The following JCAD variants were observed in gnomAD, a reference collection of about 807,000 sequenced individuals.
The protein encoded by JCAD is junctional cadherin 5-associated protein.
In JCAD, 40 loss-of-function variants were observed where a neutral mutation model predicts 98.0. The ratio of observed to expected loss-of-function variants is 0.41; its 90% confidence interval spans 0.32 to 0.53. The LOEUF is 0.53. Ranked by LOEUF, JCAD falls within the 20% of genes least tolerant of loss-of-function variation. The pLI is 0.31. For missense variants in JCAD, 1,705 were observed against 1,738.1 expected (o/e 0.98, Z 0.34); for synonymous variants, 691 against 682.3 (o/e 1.01, Z -0.20).
chr10:30,056,489 C>T (rs11007875), intron 1 of JCAD, among the ~76,000 whole-genome samples: 7,252 of 151,946 alleles, frequency 0.048, 447 homozygotes, highest in African/African-American at 0.14. Context: ...GTTTCTCTAA[C>T]TATTCTTCCT....
intron 1 of JCAD, among the ~76,000 whole-genome samples, chr10:30,110,192 T>TGATGTATGGACCC (rs1564476286): frequency 6.8e-6 from 1 of 146,328 alleles, no homozygotes; most frequent in African/African-American, 2.7e-5. Flanking sequence ...TGTATGGACC[T>TGATGTATGGACCC]GCTGATGTAT....
upstream of JCAD, among the ~76,000 whole-genome samples, chr10:30,064,128 T>A (rs1041315202): frequency 2.0e-5 from 3 of 152,120 alleles, no homozygotes; most frequent in Non-Finnish European, 1.5e-5. Flanking sequence ...CTTTAAGAGA[T>A]CATTGGATCC....
chr10:30,103,613 T>TAC (rs5784175), intron 1 of JCAD, among the ~76,000 whole-genome samples: 143 of 97,582 alleles, frequency 1.5e-3, no homozygotes, highest in Non-Finnish European at 2.9e-3. Context: ...TATGTATAAA[T>TAC]ACACACACAC....
chr10:30,050,753 C>A (rs949159981), intron 1 of JCAD, among the ~76,000 whole-genome samples: 10 of 152,156 alleles, frequency 6.6e-5, no homozygotes, highest in Non-Finnish European at 1.3e-4. Context: ...TTAACTGATT[C>A]TTCCCTCCCC....
intron 3 of JCAD, among the ~76,000 whole-genome samples, chr10:30,019,357 C>CAAAAAAAAAAAAAA (rs58164754): frequency 4.0e-5 from 4 of 100,294 alleles, no homozygotes; most frequent in Admixed American, 1.1e-4. Flanking sequence ...AACTCTGTCT[C>CAAAAAAAAAAAAAA]AAAAAAAAAA....
chr10:30,092,126 A>ATATATATATATATATATATAT (rs1491284119), intron 1 of JCAD, among the ~76,000 whole-genome samples: 11 of 107,094 alleles, frequency 1.0e-4, no homozygotes, highest in Non-Finnish European at 1.4e-4. Context: ...ATATATATAT[A>ATATATATATATATATATATAT]AAAAACATTT....
At position 30,068,390 on chromosome 10, in the gene JCAD, C is replaced by CAAAAAA. The variant is rs34060997; in HGVS notation, n.250+1304_250+1309dup. Among the ~76,000 whole-genome samples, 454 of 48,172 alleles carry CAAAAAA rather than the reference C, an allele frequency of 9.4e-3. 24 individuals are homozygous for CAAAAAA. Among genetic ancestry groups the CAAAAAA allele is most frequent in the African/African-American group, 0.036 (439 of 12,260 alleles). The allele number at this position is 48,172 out of a possible 152,430, so 31.6% of individuals were successfully genotyped here. ...TGGGTGAAAGAGCAAAACTCTGTCT[C>CAAAAAA]AAAAAAAAAAAAAAAAAAAAAAAAA... On this transcript the variant is annotated intron_variant and non_coding_transcript_variant, in intron 2 of 2. Coordinates refer to the JCAD transcript ENST00000465712.
chr10:30,058,121 T>TC (rs982363612), intron 1 of JCAD, among the ~76,000 whole-genome samples: 2 of 152,098 alleles, frequency 1.3e-5, no homozygotes, highest in Non-Finnish European at 2.9e-5. Context: ...TCAGGCCCCT[T>TC]CCCCCAAATC....
intron 3 of JCAD, among the ~76,000 whole-genome samples, chr10:30,022,850 G>C (rs1836692999): frequency 1.3e-5 from 2 of 152,168 alleles, no homozygotes; most frequent in African/African-American, 4.8e-5. Context: ...TGTAGCCTAA[G>C]TGTACAGGGT....
intron 1 of JCAD, among the ~76,000 whole-genome samples, chr10:30,051,309 A>ACACAC (rs1205792252): frequency 9.9e-6 from 1 of 101,346 alleles, no homozygotes; most frequent in Non-Finnish European, 2.3e-5. Context: ...CACACACACA[A>ACACAC]GAGTTGATGC....
chr10:30,043,586 TC>T (rs11353605), intron 2 of JCAD, among the ~76,000 whole-genome samples: 42,166 of 151,998 alleles, frequency 0.28, 6,646 homozygotes, highest in Non-Finnish European at 0.36. Context: ...TATAGGCCTC[TC>T]CCAGACAGGA....
chr10:30,079,734 A>G (rs1292104257), intron 1 of JCAD, among the ~76,000 whole-genome samples: 1 of 152,200 alleles, frequency 6.6e-6, no homozygotes, highest in African/African-American at 2.4e-5. Context: ...GTGTATCACA[A>G]CTATAATTCA....
At chr10:30,033,274 C>T (rs1837039611) in intron 2 of JCAD, among the ~76,000 whole-genome samples, 1 of 152,350 alleles carries the variant, frequency 6.6e-6, no homozygotes, top group South Asian at 2.1e-4. Context: ...TTCCCTCACA[C>T]ACACAGGATT....
At chr10:30,022,261 G>A (rs975957273) in intron 3 of JCAD, among the ~76,000 whole-genome samples, 2 of 151,894 alleles carry the variant, frequency 1.3e-5, no homozygotes, top group African/African-American at 4.8e-5. Context: ...TGTGTGTAGG[G>A]TGGGGTGGTG....
chr10:30,092,707 T>A (rs1461083817), intron 1 of JCAD, among the ~76,000 whole-genome samples: 1 of 152,140 alleles, frequency 6.6e-6, no homozygotes, highest in Non-Finnish European at 1.5e-5. Flanking sequence ...CGTTCCCAGC[T>A]TTGACTATCT....
chr10:30,105,358 CTTTT>C (rs201535105), intron 1 of JCAD, among the ~76,000 whole-genome samples: 1 of 143,602 alleles, frequency 7.0e-6, no homozygotes, highest in African/African-American at 2.5e-5. Flanking sequence ...TTCTTTCTTT[CTTTT>C]TTTTTTTTTT....
chr10:30,110,689 A>C (rs1235234759), intron 1 of JCAD, among the ~76,000 whole-genome samples: 1 of 151,394 alleles, frequency 6.6e-6, no homozygotes, highest in African/African-American at 2.4e-5. Context: ...TGGACCCCTG[A>C]TATATGGAGC....
chr10:30,026,190 C>G lies in JCAD; in HGVS notation c.3958G>C (p.Val1320Leu), dbSNP rs1195149554. The G allele has an allele frequency of 6.2e-7, 1 of 1,614,200 alleles. No individual in the cohort carries two copies. The highest frequency in any genetic ancestry group is 1.7e-5 in the Admixed American group (1 of 60,032). ...RAQRLGHSLSVSKDSISREEK... is the reference protein window; with the variant it reads ...RAQRLGHSLSLSKDSISREEK... ...TCCCTGGAGATGCTGTCCTTGGACA[C>G]AGAGAGTGAGTGGCCCAATCTCTGG... Residue 1320 changes from valine to leucine, a missense_variant, in exon 3 of 4, where the codon GTG becomes CTG. By Grantham distance (32) the Val-to-Leu change is conservative. Transcript: ENST00000375377.
At chr10:30,103,875 G>T (rs1303627785) in intron 1 of JCAD, among the ~76,000 whole-genome samples, 4 of 151,896 alleles carry the variant, frequency 2.6e-5, no homozygotes, top group Non-Finnish European at 4.4e-5. Context: ...GGGATTACAG[G>T]CATGCACCAT....
Sources: gnomAD v4.1 joint callset for allele counts (sites outside exome capture counted in the v4.1 genomes callset) on GRCh38, gnomAD v4.1.1 for gene constraint, MANE v1.5 for transcripts, NCBI Gene and HGNC (gene_info 2026-07-23, HGNC 2026-07-21) for gene names.